The following KDM2A variants were observed in gnomAD, a reference collection of about 807,000 sequenced individuals.
KDM2A encodes the protein lysine demethylase 2A.
A neutral mutation model predicts 137.3 loss-of-function variants in KDM2A; 3 were observed. The ratio of observed to expected loss-of-function variants is 0.02; its 90% CI spans 0.01 to 0.06. The LOEUF (loss-of-function observed/expected upper bound fraction) is 0.06. Among genes scored for constraint, KDM2A ranks in the 10% least tolerant of loss-of-function variants. KDM2A has a pLI of 1.00. For synonymous variants in KDM2A, 512 were observed against 541.5 expected (o/e 0.95, Z 0.76); for missense variants, 738 against 1,510.6 (o/e 0.49, Z 8.48).
intron 12 of KDM2A, chr11:67,239,966 C>A (rs574842247): frequency 5.0e-6 from 5 of 999,430 alleles, no homozygotes; most frequent in African/African-American, 5.0e-5. Context: ...GAACACACCC[C>A]CTCCCGGCTC....
chr11:67,177,523 G>A (rs945791796), intron 2 of KDM2A, among the ~76,000 whole-genome samples: 3 of 151,922 alleles, frequency 2.0e-5, no homozygotes, highest in Admixed American at 2.0e-4. Flanking sequence ...CCTGCAGAGG[G>A]TCGGGGTCAT....
intron 17 of KDM2A, among the ~76,000 whole-genome samples, chr11:67,251,993 G>A (rs1288307639): frequency 1.3e-5 from 2 of 152,214 alleles, no homozygotes; most frequent in Non-Finnish European, 2.9e-5. Flanking sequence ...GGGGGCAGGG[G>A]CTATAAAATA....
At chr11:67,124,771 A>G (rs1036607722) in intron 2 of KDM2A, among the ~76,000 whole-genome samples, 1 of 151,014 alleles carries the variant, frequency 6.6e-6, no homozygotes, top group African/African-American at 2.4e-5. Flanking sequence ...ACCCTTAACT[A>G]GCATATGTTT....
intron 5 of KDM2A, among the ~76,000 whole-genome samples, chr11:67,198,634 C>T (rs12292708): frequency 0.086 from 12,867 of 149,410 alleles, 1,873 homozygotes; most frequent in African/African-American, 0.3. Context: ...GGCGTGAACC[C>T]GGAAGGCGGA....
At chr11:67,210,184 AT>A (rs1456878214) in intron 6 of KDM2A, among the ~76,000 whole-genome samples, 2 of 152,170 alleles carry the variant, frequency 1.3e-5, no homozygotes, top group African/African-American at 2.4e-5. Context: ...CCTGGGCAAC[AT>A]GGTGAAACCC....
intron 2 of KDM2A, among the ~76,000 whole-genome samples, chr11:67,154,201 A>G (rs930139324): frequency 2.6e-5 from 4 of 152,242 alleles, no homozygotes; most frequent in Non-Finnish European, 5.9e-5. Flanking sequence ...CAACCCATGT[A>G]CCAAATCTGG....
intron 2 of KDM2A, among the ~76,000 whole-genome samples, chr11:67,147,706 C>T (rs1590722546): frequency 6.7e-6 from 1 of 150,180 alleles, no homozygotes; most frequent in Non-Finnish European, 1.5e-5. Flanking sequence ...GAGATGGAGT[C>T]TTGCAGTGTC....
At chr11:67,201,955 T>TA (rs949636756) in intron 5 of KDM2A, among the ~76,000 whole-genome samples, 10 of 151,486 alleles carry the variant, frequency 6.6e-5, no homozygotes, top group Middle Eastern at 3.4e-3. Flanking sequence ...ACCCTGTCTC[T>TA]AAAAAAAATA....
chr11:67,160,066 A>T (rs1420387807), intron 2 of KDM2A, among the ~76,000 whole-genome samples: 1 of 152,176 alleles, frequency 6.6e-6, no homozygotes, highest in Non-Finnish European at 1.5e-5. Context: ...ATGGCATACC[A>T]CTGAATTTAG....
At chr11:67,186,214 A>G (rs1857203076) in intron 5 of KDM2A, among the ~76,000 whole-genome samples, 1 of 152,188 alleles carries the variant, frequency 6.6e-6, no homozygotes, top group Non-Finnish European at 1.5e-5. Context: ...CAAACTTTCA[A>G]AAGCCAAAGA....
rs1019171108 is a variant in KDM2A, at chr11:67,228,308, T to C, written c.1084+145T>C. The C allele has an allele frequency of 2.0e-5, 16 of 812,086 alleles. No homozygotes were observed. In the Admixed American group the frequency reaches 3.4e-4, roughly 17 times the overall value. The allele number at this position is 812,086 out of a possible 1,614,324, so 50.3% of individuals were successfully genotyped here. A position where few individuals can be genotyped will look rare whatever the true frequency, so the allele number is the denominator to read the frequency against. On this transcript the variant is annotated intron_variant, in intron 11 of 20. Coordinates refer to ENST00000529006, the MANE Select transcript of KDM2A (RefSeq NM_012308.3). ...TACCAAATTCATCACTGGAATTGAA[T>C]ACCAGTTACCTACCCAGATGTGAGT...
chr11:67,120,736 T>C (rs1261451475), intron 1 of KDM2A, among the ~76,000 whole-genome samples: 3 of 152,100 alleles, frequency 2.0e-5, no homozygotes, highest in Non-Finnish European at 4.4e-5. Context: ...AGGAGGGGTA[T>C]GGGAAATTGT....
chr11:67,219,293 A>G lies in KDM2A; in HGVS notation c.847A>G (p.Ile283Val). 2 of 1,566,652 alleles carry G rather than the reference A, an allele frequency of 1.3e-6. No individual in the cohort carries two copies. Among genetic ancestry groups the G allele is most frequent in the Non-Finnish European group, 1.7e-6 (2 of 1,154,364 alleles). Residue 283 changes from isoleucine to valine, a missense_variant, in exon 10 of 21, where the codon ATT (isoleucine) becomes GTT (valine). Physicochemically the swap from Ile to Val is conservative, Grantham distance 29. This residue lies in a region of KDM2A where 43 missense variants were observed against 254.6 expected (regional missense o/e 0.17). Coordinates refer to ENST00000529006, the MANE Select transcript of KDM2A (RefSeq NM_012308.3). ...GYTFVIPSGW[I>V]HAVYTPTDTL... Reference sequence around the variant, plus strand: ...CTCTGTTCCCCTTCTCCTAGGCTGGATTCATGCTGTGTATACTCCTACAGA... The same window carrying G: ...CTCTGTTCCCCTTCTCCTAGGCTGGGTTCATGCTGTGTATACTCCTACAGA...
intron 8 of KDM2A, among the ~76,000 whole-genome samples, chr11:67,217,101 G>A (rs1276932239): frequency 6.6e-6 from 1 of 151,708 alleles, no homozygotes; most frequent in Admixed American, 6.6e-5. Context: ...AATTAGCTGG[G>A]TGTGGTGGCG....
intron 2 of KDM2A, among the ~76,000 whole-genome samples, chr11:67,157,574 G>A (rs1050391385): frequency 7.9e-5 from 12 of 151,416 alleles, no homozygotes; most frequent in African/African-American, 2.4e-4. Context: ...GTGAAACCCC[G>A]TCTCTACTAA....
At chr11:67,167,547 A>G (rs1010165390) in intron 2 of KDM2A, among the ~76,000 whole-genome samples, 2 of 150,782 alleles carry the variant, frequency 1.3e-5, no homozygotes, top group Non-Finnish European at 2.9e-5. Flanking sequence ...TTACTTTTGT[A>G]TATTCATCTT....
At chr11:67,170,182 A>G (rs1330902273) in intron 2 of KDM2A, among the ~76,000 whole-genome samples, 1 of 152,206 alleles carries the variant, frequency 6.6e-6, no homozygotes. Flanking sequence ...GAAAATGCTG[A>G]TTAGAAATAG....
chr11:67,159,143 T>TTA (rs1856582833), intron 2 of KDM2A, among the ~76,000 whole-genome samples: 1 of 152,206 alleles, frequency 6.6e-6, no homozygotes. Context: ...GTTTTATAGT[T>TTA]GTGTGATTTT....
intron 2 of KDM2A, among the ~76,000 whole-genome samples, chr11:67,167,846 C>T (rs1274381334): frequency 6.6e-6 from 1 of 152,124 alleles, no homozygotes; most frequent in Non-Finnish European, 1.5e-5. Flanking sequence ...GCTTTTCAGC[C>T]ATGTTAATTT....
Sources: gnomAD v4.1 joint callset for allele counts (sites outside exome capture counted in the v4.1 genomes callset) on GRCh38, gnomAD v4.1.1 for gene constraint, gnomAD v4.1.1 regional missense constraint, MANE v1.5 for transcripts, NCBI Gene and HGNC (gene_info 2026-07-23, HGNC 2026-07-21) for gene names.